ASCC3: variants seen among roughly 807,000 people sequenced by gnomAD.
ASCC3 encodes activating signal cointegrator 1 complex subunit 3, also known as ASC-1 complex subunit P200.
In ASCC3, 158 loss-of-function variants were observed where a neutral mutation model predicts 256.3. That is an observed-to-expected ratio of 0.62 (90% CI 0.54 to 0.70). The LOEUF (loss-of-function observed/expected upper bound fraction) is 0.70, where lower values mean the gene tolerates loss of function less well. Ranked by LOEUF, ASCC3 falls within the 30% of genes least tolerant of loss-of-function variation. The pLI is 0.00. For synonymous variants in ASCC3, 948 were observed against 883.4 expected (o/e 1.07, Z -1.30); for missense variants, 2,259 against 2,626.0 (o/e 0.86, Z 3.05).
At position 100,522,008 on chromosome 6, in the gene ASCC3, G is replaced by T. The variant is rs150577915; in HGVS notation, c.5776-3866C>A. On this transcript the variant is annotated intron_variant, in intron 37 of 41. Transcript: ENST00000369162. ...AGTAACCCCCAAAGTCCTTTTTAGG[G>T]ATCTAATACTCAGTGATCTAAACAA... Among the ~76,000 whole-genome samples the T allele has an allele frequency of 2.6e-3, 399 of 152,260 alleles. 3 individuals carry two copies. The highest frequency in any genetic ancestry group is 9.2e-3 in the African/African-American group (384 of 41,564).
At chr6:100,874,234 G>A (rs1009310012) in intron 1 of ASCC3, among the ~76,000 whole-genome samples, 3 of 152,008 alleles carry the variant, frequency 2.0e-5, no homozygotes, top group African/African-American at 4.8e-5. Flanking sequence ...TTGGGAGGCC[G>A]AGGCAGGCGG....
intron 10 of ASCC3, among the ~76,000 whole-genome samples, chr6:100,731,478 T>A (rs6909880): frequency 1.3e-5 from 2 of 152,004 alleles, no homozygotes; most frequent in South Asian, 2.1e-4. Context: ...CATAAAGCCC[T>A]TGTTCATCAC....
chr6:100,748,715 G>T (rs1447530706), intron 10 of ASCC3, among the ~76,000 whole-genome samples: 1 of 151,972 alleles, frequency 6.6e-6, no homozygotes, highest in Non-Finnish European at 1.5e-5. Flanking sequence ...AATGAGAACT[G>T]AAGTATTATA....
intron 10 of ASCC3, among the ~76,000 whole-genome samples, chr6:100,750,394 A>C (rs1780885244): frequency 6.6e-6 from 1 of 152,018 alleles, no homozygotes; most frequent in Non-Finnish European, 1.5e-5. Flanking sequence ...GATGTGTCTG[A>C]ATTATGAAGT....
chr6:100,746,104 C>G (rs904093198), intron 10 of ASCC3, among the ~76,000 whole-genome samples: 1 of 75,774 alleles, frequency 1.3e-5, no homozygotes, highest in Non-Finnish European at 3.3e-5. Flanking sequence ...TGTATAAAAT[C>G]AGTTAACTTT....
chr6:100,813,577 G>A (rs1345785370), intron 4 of ASCC3, among the ~76,000 whole-genome samples: 3 of 152,010 alleles, frequency 2.0e-5, no homozygotes, highest in Admixed American at 1.3e-4. Flanking sequence ...AACTTCAGAT[G>A]ATAATTCAAA....
At chr6:100,748,108 A>G (rs1321305230) in intron 10 of ASCC3, among the ~76,000 whole-genome samples, 1 of 152,092 alleles carries the variant, frequency 6.6e-6, no homozygotes, top group African/African-American at 2.4e-5. Context: ...CTGTTCTGCC[A>G]AATGGGTAAG....
At chr6:100,628,123 G>T in intron 27 of ASCC3, 136 bp from the exon 28 acceptor site, 1 of 960,432 alleles carries the variant, frequency 1.0e-6, no homozygotes, top group Non-Finnish European at 1.5e-6. Context: ...GCTAAAGCTA[G>T]AACTACCAAA....
In ASCC3 at chr6:100,629,172, T is replaced by C. The variant is rs1774409679; in HGVS notation, c.4218A>G (p.Glu1406=). ...IEEKLGKKVI[E]LTGDVTPDMK... is the part of the protein sequence containing the mutation. The stretch of plus-strand genomic sequence containing the variant: ...TATCAGGAGTCACATCCCCTGTTAG[T>C]TCAATAACTCTGGAGGGAAATATAA... The change falls in exon 27 of 42, where the codon GAA becomes GAG. Residue 1406 remains glutamate, a synonymous_variant. Coordinates refer to ENST00000369162, the MANE Select transcript of ASCC3 (RefSeq NM_006828.4). 1.2e-6 allele frequency: 2 copies of C among 1,613,284 alleles called. No individual in the cohort carries two copies. Among genetic ancestry groups the C allele is most frequent in the Non-Finnish European group, 8.5e-7 (1 of 1,179,502 alleles).
chr6:100,842,494 T>C (rs903237049), intron 4 of ASCC3, among the ~76,000 whole-genome samples: 1 of 152,192 alleles, frequency 6.6e-6, no homozygotes, highest in East Asian at 1.9e-4. Flanking sequence ...TATCAGAATA[T>C]ACTGAATGCA....
chr6:100,867,659 C>CA (rs997373851), intron 2 of ASCC3, among the ~76,000 whole-genome samples: 62 of 146,648 alleles, frequency 4.2e-4, no homozygotes, highest in Admixed American at 2.2e-3. Flanking sequence ...GGGAGCTGAA[C>CA]AAAAAAAAAA....
chr6:100,729,916 T>C (rs1055971379), intron 10 of ASCC3, among the ~76,000 whole-genome samples: 1 of 152,144 alleles, frequency 6.6e-6, no homozygotes. Context: ...TATCAAAACA[T>C]AGCCACTAAA....
At chr6:100,853,248 C>T (rs1460813596) in intron 3 of ASCC3, among the ~76,000 whole-genome samples, 4 of 151,928 alleles carry the variant, frequency 2.6e-5, no homozygotes, top group South Asian at 2.1e-4. Context: ...ACACAATCTA[C>T]GTCTGTTTTC....
chr6:100,817,948 C>T (rs1770833698), intron 4 of ASCC3, among the ~76,000 whole-genome samples: 1 of 152,104 alleles, frequency 6.6e-6, no homozygotes. Flanking sequence ...ATAAACATAT[C>T]ACCAGAAAAC....
intron 37 of ASCC3, among the ~76,000 whole-genome samples, chr6:100,520,058 C>T (rs1774224980): frequency 6.6e-6 from 1 of 152,098 alleles, no homozygotes; most frequent in Non-Finnish European, 1.5e-5. Context: ...TCAATTACTC[C>T]CTAGTTGTCT....
intron 4 of ASCC3, among the ~76,000 whole-genome samples, chr6:100,842,965 ACT>A (rs1201140457): frequency 2.0e-5 from 3 of 152,072 alleles, no homozygotes; most frequent in Non-Finnish European, 4.4e-5. Context: ...ACAGAATGAG[ACT>A]CTGTCTCTGA....
At chr6:100,646,218 A>G (rs1360560513) in intron 22 of ASCC3, among the ~76,000 whole-genome samples, 2 of 152,154 alleles carry the variant, frequency 1.3e-5, no homozygotes, top group Non-Finnish European at 2.9e-5. Flanking sequence ...GGTTTCCTAA[A>G]TGTTTTGAAG....
intron 13 of ASCC3, among the ~76,000 whole-genome samples, chr6:100,698,684 TTTAA>T: frequency 6.6e-6 from 1 of 152,124 alleles, no homozygotes; most frequent in African/African-American, 2.4e-5. Context: ...AAAAAATGTT[TTTAA>T]GGAGAATACT....
chr6:100,541,204 A>G (rs1775443615), intron 36 of ASCC3, among the ~76,000 whole-genome samples: 1 of 152,084 alleles, frequency 6.6e-6, no homozygotes, highest in Admixed American at 6.5e-5. Context: ...TGAATCCTAC[A>G]TCAGACATAG....
Sources: allele counts gnomAD v4.1 joint callset (sites outside exome capture counted in the v4.1 genomes callset), GRCh38; gene constraint gnomAD v4.1.1; transcripts MANE v1.5; gene names NCBI Gene and HGNC (gene_info 2026-07-23, HGNC 2026-07-21).